MINK1: variants seen among roughly 807,000 people sequenced by gnomAD.
MINK1 encodes misshapen like kinase 1, also known as misshapen-like kinase 1.
In MINK1, 46 loss-of-function variants were observed where a neutral mutation model predicts 178.4. That is an observed-to-expected ratio of 0.26 (90% CI 0.20 to 0.33). MINK1 has a LOEUF of 0.33. MINK1 is among the 10% of genes least tolerant of loss of function. MINK1 has a pLI of 1.00. For missense variants in MINK1, 1,366 were observed against 1,814.9 expected (o/e 0.75, Z 4.49); for synonymous variants, 797 against 709.7 (o/e 1.12, Z -1.96).
chr17:4,833,368 G>A lies in MINK1; in HGVS notation c.-216G>A. The A allele has an allele frequency of 2.0e-6, 1 of 509,810 alleles. No homozygotes were observed. Among genetic ancestry groups the A allele is most frequent in the Non-Finnish European group, 3.5e-6 (1 of 289,650 alleles). 31.6% of individuals were successfully genotyped at this position (509,810 alleles called of 1,614,324 possible). On this transcript the variant is annotated 5_prime_UTR_variant, in exon 1 of 32. Transcript: ENST00000355280. The surrounding 1 kb of genome is among the most constrained non-coding windows in gnomAD (Gnocchi z 4.8). ...GCGCGGTCGCTCCGCGCCTGCGCAG[G>A]AGAGGTGGTAGGCTCGGGTGGCTGG...
rs778925758 is a variant in MINK1 at position 4,892,781 on chromosome 17, G to C, written c.2311+13G>C. 1.9e-6 allele frequency: 3 copies of C among 1,590,612 alleles called. No homozygotes were observed. The highest frequency in any genetic ancestry group is 1.1e-5 in the South Asian group (1 of 87,808). ...AACCGCGTGGGAGGTATGTGAGCCA[G>C]GGCTGGGCAGCCTGCTCTGGGCCTG... On this transcript the variant is annotated intron_variant, in intron 19 of 31. Coordinates refer to ENST00000355280, the MANE Select transcript of MINK1 (RefSeq NM_153827.5).
chr17:4,897,040 C>A, intron 31 of MINK1, 164 bp from the exon 32 acceptor site: 1 of 861,210 alleles, frequency 1.2e-6, no homozygotes, highest in Non-Finnish European at 1.8e-6. Context: ...CCCCTAACAT[C>A]CCAGCCTGCC....
At position 4,894,507 on chromosome 17, in the gene MINK1, G is replaced by C; in HGVS notation, c.2809-18G>C. On this transcript the variant is annotated intron_variant, in intron 23 of 31. Coordinates refer to ENST00000355280, the MANE Select transcript of MINK1 (RefSeq NM_153827.5). The surrounding 1 kb of genome is among the most constrained non-coding windows in gnomAD (Gnocchi z 4.1). The stretch of plus-strand genomic sequence containing the variant: ...TGGACTTGCACTTGTTTGCCTGACT[G>C]CTGTCCCCCTACCACAGTACCAGTC... 1 of 1,576,270 alleles carries C rather than the reference G, an allele frequency of 6.3e-7. No homozygotes were observed. The highest frequency in any genetic ancestry group is 8.6e-7 in the Non-Finnish European group (1 of 1,159,506).
chr17:4,869,601 C>G (rs1915590041), intron 1 of MINK1, among the ~76,000 whole-genome samples: 1 of 151,898 alleles, frequency 6.6e-6, no homozygotes, highest in Non-Finnish European at 1.5e-5. Context: ...GGATATATAC[C>G]CAGCAGTGGT....
At chr17:4,854,250 A>T (rs914318242) in intron 1 of MINK1, among the ~76,000 whole-genome samples, 3 of 150,556 alleles carry the variant, frequency 2.0e-5, no homozygotes, top group Non-Finnish European at 4.4e-5. Flanking sequence ...GGCTTTCTCT[A>T]CTCTGCACTG....
intron 4 of MINK1, among the ~76,000 whole-genome samples, chr17:4,882,072 T>G (rs550815490): frequency 6.6e-6 from 1 of 152,242 alleles, no homozygotes; most frequent in East Asian, 1.9e-4. Flanking sequence ...CACACACTCA[T>G]GCACACAAAG....
At chr17:4,891,429 C>T in intron 15 of MINK1, 27 bp from the exon 16 acceptor site, 1 of 1,526,836 alleles carries the variant, frequency 6.5e-7, no homozygotes, top group South Asian at 1.3e-5. Context: ...GAGCAGGCAG[C>T]CCACCCTCCC....
intron 1 of MINK1, among the ~76,000 whole-genome samples, chr17:4,853,867 C>T (rs913802905): frequency 3.3e-5 from 5 of 152,018 alleles, no homozygotes; most frequent in Non-Finnish European, 7.4e-5. Flanking sequence ...GGCTGAGATA[C>T]CACCTCCGCT....
At chr17:4,861,386 A>G (rs1914145670) in intron 1 of MINK1, among the ~76,000 whole-genome samples, 1 of 152,210 alleles carries the variant, frequency 6.6e-6, no homozygotes. Context: ...GCCAGGCGAC[A>G]TCTATTTCGA....
intron 1 of MINK1, among the ~76,000 whole-genome samples, chr17:4,855,049 A>G (rs952421384): frequency 2.0e-5 from 3 of 152,048 alleles, no homozygotes; most frequent in Non-Finnish European, 4.4e-5. Flanking sequence ...TCTACTAAAA[A>G]TACAAAAGAT....
intron 1 of MINK1, among the ~76,000 whole-genome samples, chr17:4,843,451 C>G (rs1165490073): frequency 6.6e-6 from 1 of 150,838 alleles, no homozygotes; most frequent in Non-Finnish European, 1.5e-5. Context: ...GCACTCCAGC[C>G]TGGGCGACAG....
intron 1 of MINK1, among the ~76,000 whole-genome samples, chr17:4,877,287 G>T (rs1953352531): frequency 6.6e-6 from 1 of 152,208 alleles, no homozygotes; most frequent in African/African-American, 2.4e-5. Flanking sequence ...CTTGGCCCAG[G>T]GGGAGGACGA....
At chr17:4,879,356 T>C (rs1967491972) in intron 2 of MINK1, among the ~76,000 whole-genome samples, 1 of 152,252 alleles carries the variant, frequency 6.6e-6, no homozygotes, top group Non-Finnish European at 1.5e-5. Flanking sequence ...GACAGAGTGC[T>C]TGATACTGTC....
rs201326797 is a variant in MINK1 at position 4,891,587 on chromosome 17, C to G, written c.1872C>G (p.Pro624=). ...PASHDPDPAI[P]APTATPSARG... is the part of the protein sequence containing the mutation. ...CCCATGACCCCGACCCTGCCATCCC[C>G]GCACCCACTGCCACGCCCAGTGCCC... The change falls in exon 16 of 32, where the codon CCC becomes CCG. Residue 624 remains proline (P), a synonymous_variant. Transcript: ENST00000355280. 33 of 1,605,324 alleles carry G rather than the reference C, an allele frequency of 2.1e-5. No homozygotes were observed. Among genetic ancestry groups the G allele is most frequent in the Non-Finnish European group, 3.4e-6 (4 of 1,176,528 alleles).
chr17:4,866,261 A>AT (rs2150916527), intron 1 of MINK1, among the ~76,000 whole-genome samples: 1 of 152,190 alleles, frequency 6.6e-6, no homozygotes, highest in Admixed American at 6.6e-5. Flanking sequence ...AGGTCAGGAG[A>AT]TTAAGACCAT....
chr17:4,847,303 G>T, intron 1 of MINK1: 1 of 450,298 alleles, frequency 2.2e-6, no homozygotes, highest in Non-Finnish European at 4.5e-6. Context: ...CAGTGGCGCA[G>T]TCTCAGCTCA....
At chr17:4,845,524 G>A (rs1046377231) in intron 1 of MINK1, among the ~76,000 whole-genome samples, 2 of 152,076 alleles carry the variant, frequency 1.3e-5, no homozygotes, top group Admixed American at 6.6e-5. Context: ...GTTAAAGGGC[G>A]GTCAACCCTC....
chr17:4,841,975 A>G (rs1176914434), intron 1 of MINK1, among the ~76,000 whole-genome samples: 1 of 152,042 alleles, frequency 6.6e-6, no homozygotes, highest in Non-Finnish European at 1.5e-5. Flanking sequence ...TAATCCCAGC[A>G]CTTTGGGAGG....
At chr17:4,853,956 G>A (rs1184427805) in intron 1 of MINK1, among the ~76,000 whole-genome samples, 2 of 152,128 alleles carry the variant, frequency 1.3e-5, no homozygotes, top group Non-Finnish European at 2.9e-5. Flanking sequence ...CACACCCGAG[G>A]CTGGGGCTGC....
Sources: allele counts gnomAD v4.1 joint callset (sites outside exome capture counted in the v4.1 genomes callset), GRCh38; gene constraint gnomAD v4.1.1; non-coding constraint Gnocchi (gnomAD v3.1); transcripts MANE v1.5; gene names NCBI Gene and HGNC (gene_info 2026-07-23, HGNC 2026-07-21).